Variants in PCNX2 observed in about 807,000 individuals in gnomAD.
PCNX2 encodes pecanex-like protein 2.
Under a neutral mutation model 223.8 loss-of-function variants are expected in PCNX2, and 168 were observed. The ratio of observed to expected loss-of-function variants is 0.75; its 90% CI spans 0.66 to 0.85. The LOEUF (loss-of-function observed/expected upper bound fraction) is 0.85. Ranked by LOEUF, PCNX2 falls within the 40% of genes least tolerant of loss-of-function variation. The probability of loss-of-function intolerance (pLI) is 0.00; values close to 1 mark genes in which losing one functional copy is unlikely to be tolerated. For missense variants in PCNX2, 2,507 were observed against 2,675.5 expected, an observed-to-expected ratio of 0.94 and a Z score of 1.39; for synonymous variants, 1,006 against 1,052.6, an observed-to-expected ratio of 0.96 and a Z score of 0.86.
In PCNX2 at chr1:233,001,771, T is replaced by C. The variant is rs2102798016; in HGVS notation, c.4953-90A>G. The C allele has an allele frequency of 8.1e-7, 1 of 1,236,864 alleles. No individual in the cohort carries two copies. 76.6% of individuals were successfully genotyped at this position (1,236,864 alleles called of 1,614,324 possible). On this transcript the variant is annotated intron_variant, in intron 28 of 33. Coordinates refer to ENST00000258229, the MANE Select transcript of PCNX2 (RefSeq NM_014801.4). This position sits in a 1 kb window ranked among gnomAD's most constrained non-coding sequence, Gnocchi z 4.2. ...GAGTCTCCCATTTGTCTAAGAATTA[T>C]CTTAACATTTAGGCTGATATAGCAA...
intron 9 of PCNX2, among the ~76,000 whole-genome samples, chr1:233,232,418 A>G (rs560313085): frequency 5.9e-5 from 9 of 152,214 alleles, no homozygotes; most frequent in Non-Finnish European, 1.3e-4. Context: ...TAGATGTATT[A>G]AATGCATTTT....
chr1:232,986,567 T>C, intron 32 of PCNX2, 27 bp from the exon 33 acceptor site: 4 of 1,477,688 alleles, frequency 2.7e-6, no homozygotes, highest in Non-Finnish European at 3.6e-6. Flanking sequence ...AACACAGAGT[T>C]GTAGCGGGTG....
the PCNX2 span, among the ~76,000 whole-genome samples, chr1:233,325,536 C>A: frequency 4.0e-5 from 6 of 150,160 alleles, no homozygotes; most frequent in African/African-American, 1.5e-4. Flanking sequence ...ATTAGCTGGG[C>A]GTGGTGGTGG....
rs10973 is a variant in PCNX2, at chr1:232,983,565, C to T, written c.*739G>A. 0.24 allele frequency: 36,277 copies of T among 152,194 alleles called. 4,428 individuals carry two copies. The highest frequency in any genetic ancestry group is 0.29 in the African/African-American group (12,009 of 41,512). The allele number at this position is 152,194 out of a possible 1,614,324, so 9.4% of individuals were successfully genotyped here. A position where few individuals can be genotyped will look rare whatever the true frequency, so the allele number is the denominator to read the frequency against. On this transcript the variant is annotated 3_prime_UTR_variant, in exon 34 of 34. Coordinates refer to ENST00000258229, the MANE Select transcript of PCNX2 (RefSeq NM_014801.4). ...AGGGTGCTGGCGGCCCACCAATCGC[C>T]TGGACTACAGTGAGGAGCATTGTGT...
At chr1:233,118,231 T>A (rs1218424828) in intron 21 of PCNX2, among the ~76,000 whole-genome samples, 1 of 152,040 alleles carries the variant, frequency 6.6e-6, no homozygotes, top group African/African-American at 2.4e-5. Flanking sequence ...GAAGGGGAAC[T>A]TTCTCTACTA....
At chr1:233,017,391 C>T (rs1175690856) in intron 26 of PCNX2, among the ~76,000 whole-genome samples, 1 of 143,636 alleles carries the variant, frequency 7.0e-6, no homozygotes, top group East Asian at 2.1e-4. Context: ...GATCTCGGCT[C>T]ACTGCAAGCT....
At chr1:233,089,963 A>G (rs2102938337) in intron 23 of PCNX2, 98 bp downstream of exon 23, 3 of 1,560,396 alleles carry the variant, frequency 1.9e-6, no homozygotes, top group Non-Finnish European at 2.6e-6. Flanking sequence ...CAGCAGGGGG[A>G]AGCCTGGAGC....
chr1:233,105,334 GA>G (rs966418778), intron 21 of PCNX2, among the ~76,000 whole-genome samples: 3 of 152,104 alleles, frequency 2.0e-5, no homozygotes, highest in Non-Finnish European at 4.4e-5. Flanking sequence ...AAAGGACGTT[GA>G]AAAATAAATT....
chr1:233,076,148 G>A (rs187056568), intron 23 of PCNX2, among the ~76,000 whole-genome samples: 1 of 152,330 alleles, frequency 6.6e-6, no homozygotes, highest in Non-Finnish European at 1.5e-5. Flanking sequence ...TAATTTGACT[G>A]ATTTAAGGTT....
chr1:233,148,687 C>T (rs960453567), intron 19 of PCNX2, among the ~76,000 whole-genome samples: 1 of 152,192 alleles, frequency 6.6e-6, no homozygotes, highest in South Asian at 2.1e-4. Context: ...CAGGCCTGAG[C>T]CACCATGCCC....
intron 23 of PCNX2, among the ~76,000 whole-genome samples, chr1:233,061,642 G>A (rs1325383996): frequency 6.6e-6 from 1 of 152,014 alleles, no homozygotes; most frequent in East Asian, 1.9e-4. Flanking sequence ...TCCTTCTACT[G>A]GATTTTGATC....
intron 23 of PCNX2, among the ~76,000 whole-genome samples, chr1:233,074,505 G>A (rs1454916387): frequency 7.0e-6 from 1 of 143,370 alleles, no homozygotes; most frequent in Non-Finnish European, 1.5e-5. Context: ...TGAGGCAGGA[G>A]AATGGCGTGA....
chr1:233,285,688 AACAAAC>A (rs1318085895), intron 1 of PCNX2, among the ~76,000 whole-genome samples: 5 of 152,170 alleles, frequency 3.3e-5, no homozygotes, highest in Non-Finnish European at 5.9e-5. Flanking sequence ...AAAACAAACA[AACAAAC>A]AAACAAAAAA....
chr1:233,230,668 G>A (rs182071689), intron 9 of PCNX2, among the ~76,000 whole-genome samples: 142 of 152,266 alleles, frequency 9.3e-4, no homozygotes, highest in Non-Finnish European at 1.4e-3. Context: ...GAGGACAAAG[G>A]AAAGGATAAA....
At chr1:233,237,903 G>C (rs999304517) in intron 8 of PCNX2, among the ~76,000 whole-genome samples, 10 of 152,336 alleles carry the variant, frequency 6.6e-5, no homozygotes, top group South Asian at 6.2e-4. Flanking sequence ...GGGGAGCAAA[G>C]AAGAGTTGGC....
intron 21 of PCNX2, among the ~76,000 whole-genome samples, chr1:233,128,963 T>A (rs936289251): frequency 6.6e-6 from 1 of 151,746 alleles, no homozygotes; most frequent in Non-Finnish European, 1.5e-5. Context: ...GAGGTGACAG[T>A]GTGCTGGCAG....
At position 233,031,696 on chromosome 1, in the gene PCNX2, G is replaced by A. The variant is rs1040395202; in HGVS notation, c.4352-6297C>T. 11 of 967,260 alleles carry A rather than the reference G, an allele frequency of 1.1e-5. No homozygotes were observed. In the African/African-American group the frequency reaches 1.8e-4, roughly 15 times the overall value. The allele number at this position is 967,260 out of a possible 1,614,324, so 59.9% of individuals were successfully genotyped here. Reference sequence around the variant, plus strand: ...GCCCAGCCGGCTGCATTCATAAAAAGGGAGACAGTTAAAGCCTGATCCCAA... The same window carrying A: ...GCCCAGCCGGCTGCATTCATAAAAAAGGAGACAGTTAAAGCCTGATCCCAA... On this transcript the variant is annotated intron_variant, in intron 25 of 33. Coordinates refer to ENST00000258229, the MANE Select transcript of PCNX2 (RefSeq NM_014801.4).
Position 233,289,239 on chromosome 1 carries a change from T to C in PCNX2, c.153+6087A>G. Reference sequence around the variant, plus strand: ...CCGGACTTGGATTTTCTGGAAAGATTTCAGTTGAGGAACGGGAACAAAGAT... The same window carrying C: ...CCGGACTTGGATTTTCTGGAAAGATCTCAGTTGAGGAACGGGAACAAAGAT... On this transcript the variant is annotated intron_variant, in intron 1 of 33. Transcript: ENST00000258229. 9 of 934,252 alleles carry C rather than the reference T, an allele frequency of 9.6e-6. No homozygotes were observed. The South Asian group carries it at 1.0e-4, about 11-fold the overall frequency. The allele number at this position is 934,252 out of a possible 1,614,324, so 57.9% of individuals were successfully genotyped here. A position where few individuals can be genotyped will look rare whatever the true frequency, so the allele number is the denominator to read the frequency against.
chr1:233,129,154 G>A (rs34797899), intron 21 of PCNX2, among the ~76,000 whole-genome samples: 19,588 of 152,010 alleles, frequency 0.13, 1,199 homozygotes, highest in East Asian at 0.2. Flanking sequence ...TGGGCTGTGC[G>A]TGGCGCTTGT....
Sources: allele counts gnomAD v4.1 joint callset (sites outside exome capture counted in the v4.1 genomes callset), GRCh38; gene constraint gnomAD v4.1.1; non-coding constraint Gnocchi (gnomAD v3.1); transcripts MANE v1.5; gene names NCBI Gene and HGNC (gene_info 2026-07-23, HGNC 2026-07-21).